Variants in TNRC6B observed in about 807,000 individuals in gnomAD.
The protein encoded by TNRC6B is trinucleotide repeat containing adaptor 6B, also known as trinucleotide repeat-containing gene 6B protein.
A neutral mutation model predicts 203.6 loss-of-function variants in TNRC6B; 52 were observed. The ratio of observed to expected loss-of-function variants is 0.26; its 90% confidence interval spans 0.20 to 0.32. TNRC6B has a LOEUF of 0.32. TNRC6B is among the 10% of genes least tolerant of loss of function. TNRC6B has a pLI of 1.00. For missense variants in TNRC6B, 1,923 were observed against 2,286.2 expected, an observed-to-expected ratio of 0.84 and a Z score of 3.24; for synonymous variants, 838 against 845.7, an observed-to-expected ratio of 0.99 and a Z score of 0.16.
chr22:40,189,248 A>T (rs1239689178), intron 1 of TNRC6B, among the ~76,000 whole-genome samples: 2 of 152,182 alleles, frequency 1.3e-5, no homozygotes, highest in Non-Finnish European at 2.9e-5. Flanking sequence ...AGAAATGAAT[A>T]TGTGTTTATA....
At chr22:40,281,899 G>A (rs1053350571) in intron 11 of TNRC6B, among the ~76,000 whole-genome samples, 2 of 152,226 alleles carry the variant, frequency 1.3e-5, no homozygotes, top group Non-Finnish European at 1.5e-5. Context: ...CTGTGCAGTA[G>A]AAACAAGACA....
intron 1 of TNRC6B, among the ~76,000 whole-genome samples, chr22:40,206,431 C>T (rs1378941533): frequency 6.6e-6 from 1 of 151,872 alleles, no homozygotes; most frequent in African/African-American, 2.4e-5. Context: ...TATCAGAAGA[C>T]ATTAAACTAA....
intron 1 of TNRC6B, among the ~76,000 whole-genome samples, chr22:40,216,883 C>A (rs943423713): frequency 4.6e-5 from 7 of 152,204 alleles, no homozygotes; most frequent in African/African-American, 1.7e-4. Context: ...ACCACCCCTC[C>A]TTAAAAGACA....
chr22:40,268,966 T>TC (rs1247425568), intron 5 of TNRC6B, among the ~76,000 whole-genome samples: 1 of 151,048 alleles, frequency 6.6e-6, no homozygotes, highest in Non-Finnish European at 1.5e-5. Flanking sequence ...TAGGGTCTCT[T>TC]CCCAAAGGTA....
rs1431850681 is a variant in TNRC6B at position 40,329,320 on chromosome 22, T to C, written c.*6079T>C. On this transcript the variant is annotated 3_prime_UTR_variant, in exon 23 of 23. Transcript: ENST00000454349. ...TGTCATTCTGTAAGAAAACAGAATA[T>C]TATCTAGATTTCCAGAGTTAGTGCA... The C allele has an allele frequency of 2.6e-5, 4 of 152,230 alleles. No individual in the cohort carries two copies. Among genetic ancestry groups the C allele is most frequent in the African/African-American group, 9.6e-5 (4 of 41,452 alleles). The allele number at this position is 152,230 out of a possible 1,614,324, so 9.4% of individuals were successfully genotyped here.
chr22:40,103,677 T>A (rs1227681697), intron 1 of TNRC6B, among the ~76,000 whole-genome samples: 1 of 151,978 alleles, frequency 6.6e-6, no homozygotes, highest in Non-Finnish European at 1.5e-5. Context: ...GAGTCTCACT[T>A]TGTCACCCAG....
chr22:40,215,771 A>T (rs1040746835), intron 1 of TNRC6B, among the ~76,000 whole-genome samples: 3 of 152,200 alleles, frequency 2.0e-5, no homozygotes, highest in African/African-American at 7.2e-5. Context: ...TCTTTGTATG[A>T]CAATCTGTAT....
intron 1 of TNRC6B, among the ~76,000 whole-genome samples, chr22:40,195,769 T>G (rs533018479): frequency 6.6e-6 from 1 of 152,050 alleles, no homozygotes; most frequent in South Asian, 2.1e-4. Context: ...TTGTTTTGTT[T>G]TGTTTTGTTT....
chr22:40,285,619 C>G (rs776477802), intron 11 of TNRC6B, 26 bp from the exon 12 acceptor site: 3 of 1,600,962 alleles, frequency 1.9e-6, no homozygotes, highest in African/African-American at 1.3e-5. Flanking sequence ...TAACAAAAAG[C>G]CTTACTGCTG....
chr22:40,160,560 A>T (rs959710526), intron 4 of TNRC6B, among the ~76,000 whole-genome samples: 1 of 151,512 alleles, frequency 6.6e-6, no homozygotes, highest in African/African-American at 2.4e-5. Context: ...TCTTATTCTT[A>T]TATCTTTATT....
chr22:40,186,552 A>G (rs2069205833), intron 1 of TNRC6B, among the ~76,000 whole-genome samples: 2 of 151,976 alleles, frequency 1.3e-5, no homozygotes, highest in African/African-American at 4.8e-5. Context: ...ATCCTGGCCA[A>G]CATGGTGAAA....
chr22:40,154,860 A>AAAAAAAT (rs1555885936), intron 3 of TNRC6B, among the ~76,000 whole-genome samples: 1 of 23,588 alleles, frequency 4.2e-5, no homozygotes, highest in Non-Finnish European at 6.2e-5. Flanking sequence ...AAAAAAAAAA[A>AAAAAAAT]ATATATATAT....
chr22:40,231,690 G>A (rs979327920), intron 1 of TNRC6B, among the ~76,000 whole-genome samples: 1 of 152,102 alleles, frequency 6.6e-6, no homozygotes, highest in African/African-American at 2.4e-5. Flanking sequence ...TTTTAATATA[G>A]GGAATCGAAG....
intron 1 of TNRC6B, among the ~76,000 whole-genome samples, chr22:40,245,614 A>G (rs1157971299): frequency 1.3e-5 from 2 of 152,180 alleles, no homozygotes; most frequent in Non-Finnish European, 2.9e-5. Flanking sequence ...ACCATAATTG[A>G]GTTAATATAT....
chr22:40,145,337 A>T (rs755866629), intron 3 of TNRC6B, among the ~76,000 whole-genome samples: 3 of 150,162 alleles, frequency 2.0e-5, no homozygotes, highest in African/African-American at 2.4e-5. Context: ...ACTTCAATTT[A>T]AAAAAAAAAT....
intron 1 of TNRC6B, among the ~76,000 whole-genome samples, chr22:40,099,486 G>T (rs2068214919): frequency 6.6e-6 from 1 of 152,004 alleles, no homozygotes; most frequent in African/African-American, 2.4e-5. Flanking sequence ...CCATATTCAT[G>T]GGTTCTACAT....
chr22:40,310,092 A>G, intron 16 of TNRC6B, among the ~76,000 whole-genome samples: 1 of 152,202 alleles, frequency 6.6e-6, no homozygotes, highest in Non-Finnish European at 1.5e-5. Context: ...TAAGCTTTTA[A>G]TTATTTTCCT....
Position 40,265,244 on chromosome 22 carries a change from A to G in TNRC6B, c.1014A>G (p.Thr338=). The change falls in exon 5 of 23, where the codon ACA becomes ACG. Residue 338 remains threonine, a synonymous_variant. Transcript: ENST00000454349. The part of the protein sequence containing the change: ...DNSNSSAQVS[T]VGQTSREQQS... The stretch of plus-strand genomic sequence containing the variant: ...GTAATTCCAGTGCACAGGTTAGCAC[A>G]GTAGGTCAGACATCCAGGGAACAGC... 8 of 1,614,064 alleles carry G rather than the reference A, an allele frequency of 5.0e-6. No homozygotes were observed. In the South Asian group the frequency reaches 7.7e-5, roughly 16 times the overall value.
chr22:40,277,216 T>A, intron 8 of TNRC6B, 65 bp downstream of exon 8: 1 of 1,241,616 alleles, frequency 8.1e-7, no homozygotes, highest in Non-Finnish European at 1.1e-6. Flanking sequence ...TAATACCAAT[T>A]TTAAGACAAC....
Sources: gnomAD v4.1 joint callset for allele counts (sites outside exome capture counted in the v4.1 genomes callset) on GRCh38, gnomAD v4.1.1 for gene constraint, MANE v1.5 for transcripts, NCBI Gene and HGNC (gene_info 2026-07-23, HGNC 2026-07-21) for gene names.